Variants in STRN3 observed in about 807,000 individuals in gnomAD.
The protein encoded by STRN3 is striatin 3.
A neutral mutation model predicts 95.6 loss-of-function variants in STRN3; 29 were observed. The observed-to-expected ratio is 0.30, with a 90% CI of 0.23 to 0.41. The LOEUF is 0.41. STRN3 is among the 10% of genes least tolerant of loss of function. The pLI, the probability that STRN3 is intolerant of heterozygous loss-of-function variation, is 1.00. For missense variants in STRN3, 890 were observed against 972.1 expected, an observed-to-expected ratio of 0.92 and a Z score of 1.12; for synonymous variants, 331 against 357.6, an observed-to-expected ratio of 0.93 and a Z score of 0.84.
intron 1 of STRN3, among the ~76,000 whole-genome samples, chr14:30,967,242 G>C (rs908565024): frequency 7.0e-6 from 1 of 142,170 alleles, no homozygotes; most frequent in Non-Finnish European, 1.5e-5. Flanking sequence ...GGGGCAGGGT[G>C]GGGGGGAAGA....
At chr14:30,951,347 C>T (rs1879632472) in intron 3 of STRN3, among the ~76,000 whole-genome samples, 1 of 152,042 alleles carries the variant, frequency 6.6e-6, no homozygotes, top group Non-Finnish European at 1.5e-5. Context: ...AGAGATCCCA[C>T]CTCAGCCTCT....
In STRN3 at chr14:30,999,405, T is replaced by C. The variant is rs1044989441; in HGVS notation, c.282+26499A>G. ...ATGTTGAAAGAACTAAAGAAAATAA[T>C]GTCTAAAGAACTAAAGGAAAACATA... On this transcript the variant is annotated intron_variant, in intron 1 of 17. Transcript: ENST00000357479. 1.2e-4 allele frequency among the ~76,000 whole-genome samples: 18 copies of C among 152,156 alleles called. 1 individual carries two copies. Among genetic ancestry groups the C allele is most frequent in the Admixed American group, 8.5e-4 (13 of 15,264 alleles).
intron 13 of STRN3, among the ~76,000 whole-genome samples, chr14:30,910,787 G>C (rs1896587089): frequency 2.0e-5 from 3 of 151,656 alleles, no homozygotes; most frequent in South Asian, 4.2e-4. Flanking sequence ...CCTTCTTTTT[G>C]TAACTACTAC....
At chr14:30,927,169 C>A (rs1878222938) in intron 8 of STRN3, among the ~76,000 whole-genome samples, 1 of 151,972 alleles carries the variant, frequency 6.6e-6, no homozygotes, top group African/African-American at 2.4e-5. Flanking sequence ...AAATATTAGC[C>A]AGGTGTGGTG....
At chr14:30,963,304 C>G (rs1352774033) in intron 1 of STRN3, among the ~76,000 whole-genome samples, 2 of 152,196 alleles carry the variant, frequency 1.3e-5, no homozygotes, top group Non-Finnish European at 2.9e-5. Flanking sequence ...AGCTCTAACA[C>G]ACATATGCAG....
At chr14:30,904,961 T>TAAA (rs374512182) in intron 15 of STRN3, among the ~76,000 whole-genome samples, 1 of 126,066 alleles carries the variant, frequency 7.9e-6, no homozygotes, top group African/African-American at 2.9e-5. Flanking sequence ...TTTCGTCAAT[T>TAAA]AAAAAAAAAA....
At chr14:30,977,288 T>C (rs931916149) in intron 1 of STRN3, among the ~76,000 whole-genome samples, 35 of 152,014 alleles carry the variant, frequency 2.3e-4, no homozygotes, top group African/African-American at 8.0e-4. Flanking sequence ...GCTTCCATCT[T>C]AGGAAATCAA....
chr14:30,929,116 T>A, intron 8 of STRN3, 85 bp downstream of exon 8: 3 of 1,160,524 alleles, frequency 2.6e-6, no homozygotes, highest in Non-Finnish European at 3.6e-6. Flanking sequence ...AACAAAAAAT[T>A]AAGTTACACA....
At chr14:30,992,797 T>G (rs1882026186) in intron 1 of STRN3, among the ~76,000 whole-genome samples, 1 of 152,130 alleles carries the variant, frequency 6.6e-6, no homozygotes. Context: ...TAAGATTGTT[T>G]GAGCCCAAAA....
At chr14:30,954,855 T>C (rs1172467350) in intron 3 of STRN3, among the ~76,000 whole-genome samples, 1 of 151,876 alleles carries the variant, frequency 6.6e-6, no homozygotes, top group Non-Finnish European at 1.5e-5. Context: ...AGCCCTACAG[T>C]TCTAGAAGTG....
chr14:30,921,065 TACATATACACAC>T (rs756910285), intron 8 of STRN3, among the ~76,000 whole-genome samples: 12,839 of 89,192 alleles, frequency 0.14, 572 homozygotes, highest in Non-Finnish European at 0.16. Flanking sequence ...TTTCTACACA[TACATATACACAC>T]ACACACACAC....
chr14:30,947,581 CCACA>C lies in STRN3; in HGVS notation c.543-322_543-319del, dbSNP rs1879426786. Among the ~76,000 whole-genome samples, 2 of 151,788 alleles carry C rather than the reference CCACA, an allele frequency of 1.3e-5. 1 individual carries two copies. The highest frequency in any genetic ancestry group is 4.8e-5 in the African/African-American group (2 of 41,334). On this transcript the variant is annotated intron_variant, in intron 4 of 17. Transcript: ENST00000357479. ...CATTTTTAAATTTCCATACACACAA[CCACA>C]CATTGTTTTTAATTTACACACACAC...
intron 8 of STRN3, among the ~76,000 whole-genome samples, chr14:30,925,693 T>C (rs1342862133): frequency 6.6e-6 from 1 of 152,136 alleles, no homozygotes; most frequent in Non-Finnish European, 1.5e-5. Context: ...AGGATATGAG[T>C]GCTGTAACCA....
intron 11 of STRN3, 71 bp from the exon 12 acceptor site, chr14:30,911,895 A>C: frequency 6.4e-7 from 1 of 1,561,680 alleles, no homozygotes; most frequent in Non-Finnish European, 8.7e-7. Context: ...GTTGATATTA[A>C]ATAGTCATTA....
At chr14:30,974,172 G>A (rs1321399458) in intron 1 of STRN3, among the ~76,000 whole-genome samples, 1 of 152,122 alleles carries the variant, frequency 6.6e-6, no homozygotes, top group African/African-American at 2.4e-5. Flanking sequence ...TCACAGATAT[G>A]ATGTAGAAAC....
chr14:30,993,614 CT>C (rs1481380323), intron 1 of STRN3, among the ~76,000 whole-genome samples: 1 of 152,038 alleles, frequency 6.6e-6, no homozygotes, highest in Non-Finnish European at 1.5e-5. Context: ...TTAAAATATT[CT>C]TTTACATACT....
intron 1 of STRN3, among the ~76,000 whole-genome samples, chr14:30,961,954 C>T (rs753798728): frequency 1.4e-4 from 20 of 145,548 alleles, no homozygotes; most frequent in Non-Finnish European, 2.7e-4. Context: ...GAAAAGTTAA[C>T]TGCAAAAGTG....
chr14:30,965,390 T>G lies in STRN3; in HGVS notation c.283-9148A>C, dbSNP rs1409185560. Among the ~76,000 whole-genome samples, 5 of 152,228 alleles carry G rather than the reference T, an allele frequency of 3.3e-5. No homozygotes were observed. In the South Asian group the frequency reaches 1.0e-3, roughly 32 times the overall value. ...TCTTCTGCCTGCCTAGTAGACTGGT[T>G]GGCTCCTTAAGTGCATGGGGGTGCA... On this transcript the variant is annotated intron_variant, in intron 1 of 17. Transcript: ENST00000357479.
intron 15 of STRN3, among the ~76,000 whole-genome samples, chr14:30,904,209 A>T (rs544261569): frequency 6.6e-6 from 1 of 152,308 alleles, no homozygotes; most frequent in African/African-American, 2.4e-5. Context: ...GAACAACATG[A>T]ACCTAGAAGA....
Sources: allele counts gnomAD v4.1 joint callset (sites outside exome capture counted in the v4.1 genomes callset), GRCh38; gene constraint gnomAD v4.1.1; transcripts MANE v1.5; gene names NCBI Gene and HGNC (gene_info 2026-07-23, HGNC 2026-07-21).